The following KLHL13 variants were observed in gnomAD, a reference collection of about 807,000 sequenced individuals.
The protein encoded by KLHL13 is kelch-like protein 13.
Under a neutral mutation model 37.1 loss-of-function variants are expected in KLHL13, and 10 were observed. The ratio of observed to expected loss-of-function variants is 0.27; its 90% confidence interval spans 0.17 to 0.46. The LOEUF is 0.46. KLHL13 is among the 20% of genes least tolerant of loss of function. The probability of loss-of-function intolerance (pLI) is 1.00; values close to 1 mark genes in which losing one functional copy is unlikely to be tolerated. For synonymous variants in KLHL13, 163 were observed against 181.2 expected, an observed-to-expected ratio of 0.90 and a Z score of 0.81; for missense variants, 360 against 509.3, an observed-to-expected ratio of 0.71 and a Z score of 2.82.
intron 1 of KLHL13, among the ~76,000 whole-genome samples, chrX:118,056,775 T>G (rs1194620801): frequency 9.0e-6 from 1 of 111,692 alleles, no homozygotes; most frequent in Non-Finnish European, 1.9e-5. Flanking sequence ...CACAAGCAAA[T>G]TACTTCATCT....
At chrX:117,899,447 G>T in intron 6 of KLHL13, 52 bp from the exon 8 acceptor site, 1 of 1,031,246 alleles carries the variant, frequency 9.7e-7, no homozygotes, top group East Asian at 3.0e-5. Flanking sequence ...AAATGCAAAA[G>T]TAATTAAAGG....
intron 1 of KLHL13, among the ~76,000 whole-genome samples, chrX:118,087,527 G>A (rs963965250): frequency 4.6e-5 from 5 of 109,876 alleles, no homozygotes; most frequent in Admixed American, 2.0e-4. Flanking sequence ...TTTTTATCCC[G>A]AGTATACTTT....
exon 7 of KLHL13, chrX:117,898,257 A>T (rs1460477743): frequency 1.8e-5 from 2 of 112,181 alleles, no homozygotes; most frequent in Non-Finnish European, 1.9e-5. Context: ...AAAACACCAA[A>T]CCCTTGTTTA....
intron 1 of KLHL13, among the ~76,000 whole-genome samples, chrX:117,953,442 C>A (rs186432400): frequency 9.0e-6 from 1 of 110,969 alleles, no homozygotes; most frequent in Non-Finnish European, 1.9e-5. Flanking sequence ...TTAGGAGATA[C>A]ACCTAATGCT....
intron 1 of KLHL13, among the ~76,000 whole-genome samples, chrX:117,961,720 T>C (rs1003916843): frequency 9.0e-6 from 1 of 110,844 alleles, no homozygotes; most frequent in Non-Finnish European, 1.9e-5. Context: ...AAGCAATCTC[T>C]AGAAGCTGAA....
chrX:118,054,661 T>C (rs1214872937), intron 1 of KLHL13, among the ~76,000 whole-genome samples: 2 of 111,875 alleles, frequency 1.8e-5, no homozygotes, highest in South Asian at 3.7e-4. Context: ...CATAGGCTAA[T>C]ATGAATTAAG....
intron 2 of KLHL13, among the ~76,000 whole-genome samples, chrX:117,932,916 T>C (rs1320863124): frequency 8.9e-6 from 1 of 111,847 alleles, no homozygotes; most frequent in Admixed American, 9.5e-5. Context: ...CTAACTGAGA[T>C]GAGATGATTT....
At chrX:118,096,791 C>A (rs1214974485) in intron 1 of KLHL13, among the ~76,000 whole-genome samples, 9 of 111,638 alleles carry the variant, frequency 8.1e-5, no homozygotes, top group Non-Finnish European at 1.7e-4. Flanking sequence ...AATCAATAAA[C>A]GTAATCCAGC....
chrX:118,006,728 A>G (rs936536314), intron 1 of KLHL13, among the ~76,000 whole-genome samples: 1 of 111,841 alleles, frequency 8.9e-6, no homozygotes, highest in Non-Finnish European at 1.9e-5. Context: ...TAAAAACAAA[A>G]AAAAAGGAAG....
chrX:117,929,496 A>C (rs6603349), intron 2 of KLHL13, among the ~76,000 whole-genome samples: 21,939 of 110,694 alleles, frequency 0.2, 3,253 homozygotes, highest in African/African-American at 0.52. Flanking sequence ...AGAGTTTATA[A>C]CTCCAATGCA....
intron 5 of KLHL13, among the ~76,000 whole-genome samples, chrX:117,906,560 T>C (rs1930553574): frequency 9.0e-6 from 1 of 111,308 alleles, no homozygotes; most frequent in South Asian, 3.8e-4. Context: ...ATGAAACCTC[T>C]TGCTTCTTGG....
chrX:118,041,518 G>C (rs1374960697), intron 1 of KLHL13, among the ~76,000 whole-genome samples: 2 of 111,522 alleles, frequency 1.8e-5, no homozygotes, highest in Admixed American at 9.5e-5. Flanking sequence ...GACAGAGTGA[G>C]ACCCTATCTC....
intron 1 of KLHL13, among the ~76,000 whole-genome samples, chrX:118,002,325 G>A (rs1043323092): frequency 2.7e-5 from 3 of 110,448 alleles, no homozygotes; most frequent in Non-Finnish European, 3.8e-5. Flanking sequence ...GGCCAGGCGC[G>A]GTGGCTCACA....
rs746754106 is a variant in KLHL13 at position 118,043,197 on chromosome X, C to A, written c.-56+73311G>T. On this transcript the variant is annotated intron_variant, in intron 1 of 6. Coordinates refer to the KLHL13 transcript ENST00000371882. ...AGTGACACTGACCCATGAAAAAATC[C>A]AAAACCTGAACAGACCAATAACAAG... is the stretch of plus-strand genomic sequence containing the variant. Among the ~76,000 whole-genome samples the A allele has an allele frequency of 4.5e-5, 5 of 110,958 alleles. No homozygotes were observed. In the Admixed American group the frequency reaches 4.8e-4, roughly 11 times the overall value.
intron 1 of KLHL13, among the ~76,000 whole-genome samples, chrX:117,956,810 C>T (rs998000596): frequency 1.8e-5 from 2 of 111,576 alleles, no homozygotes; most frequent in Non-Finnish European, 3.8e-5. Context: ...TACCCTCACT[C>T]ACTCCATCTC....
Position 118,096,271 on chromosome X carries a change from C to A in KLHL13, c.-56+20237G>T, listed in dbSNP as rs1159269762. On this transcript the variant is annotated intron_variant, in intron 1 of 6. Coordinates refer to the KLHL13 transcript ENST00000371882. ...TATCACCACCGATCCCACAGAAATA[C>A]AAACTACCATCAGAGAATACTATAA... 2.7e-5 allele frequency among the ~76,000 whole-genome samples: 3 copies of A among 111,719 alleles called. No individual in the cohort carries two copies. The Admixed American group carries it at 2.9e-4, about 11-fold the overall frequency.
intron 1 of KLHL13, among the ~76,000 whole-genome samples, chrX:118,018,125 T>G (rs2054148844): frequency 9.0e-6 from 1 of 111,657 alleles, no homozygotes; most frequent in South Asian, 3.7e-4. Flanking sequence ...TCATATAGGG[T>G]AAAATATATG....
At chrX:117,997,571 G>A (rs1378939423) in intron 1 of KLHL13, among the ~76,000 whole-genome samples, 1 of 112,112 alleles carries the variant, frequency 8.9e-6, no homozygotes, top group African/African-American at 3.2e-5. Flanking sequence ...AAGGATGAAT[G>A]TAAAGATTCA....
intron 2 of KLHL13, among the ~76,000 whole-genome samples, chrX:117,935,755 C>A (rs1036125869): frequency 9.0e-6 from 1 of 111,205 alleles, no homozygotes; most frequent in African/African-American, 3.3e-5. Flanking sequence ...CCAAGCCCCT[C>A]CTCCAACACT....
Sources: gnomAD v4.1 joint callset for allele counts (sites outside exome capture counted in the v4.1 genomes callset) on GRCh38, gnomAD v4.1.1 for gene constraint, MANE v1.5 for transcripts, NCBI Gene and HGNC (gene_info 2026-07-23, HGNC 2026-07-21) for gene names.